The following MAGI2 variants were observed in gnomAD, a reference collection of about 807,000 sequenced individuals.
The protein encoded by MAGI2 is membrane-associated guanylate kinase, WW and PDZ domain-containing protein 2.
Under a neutral mutation model 133.3 loss-of-function variants are expected in MAGI2, and 35 were observed. The ratio of observed to expected loss-of-function variants is 0.26; its 90% confidence interval spans 0.20 to 0.35. MAGI2 has a LOEUF of 0.35. Among genes scored for constraint, MAGI2 ranks in the 10% least tolerant of loss-of-function variants. The pLI is 1.00. For missense variants in MAGI2, 1,636 were observed against 1,863.4 expected (o/e 0.88, Z 2.25); for synonymous variants, 729 against 710.6 (o/e 1.03, Z -0.41).
At chr7:79,257,052 A>C (rs190158038) in intron 1 of MAGI2, among the ~76,000 whole-genome samples, 264 of 152,200 alleles carry the variant, frequency 1.7e-3, no homozygotes, top group African/African-American at 6.0e-3. Flanking sequence ...TCACCACAAA[A>C]ACCATACTTT....
Position 78,580,944 on chromosome 7 carries a change from A to G in MAGI2, c.538+46176T>C, listed in dbSNP as rs145868747. ...TGACATCACAAATGCAGATGACGACAGATCTAATTTCAATAGAATTTTGAA... is the reference window on the plus strand; with the variant it reads ...TGACATCACAAATGCAGATGACGACGGATCTAATTTCAATAGAATTTTGAA... On this transcript the variant is annotated intron_variant, in intron 3 of 21. Transcript: ENST00000354212. Among the ~76,000 whole-genome samples the G allele has an allele frequency of 3.3e-3, 506 of 152,352 alleles. 4 individuals are homozygous for G. Among genetic ancestry groups the G allele is most frequent in the African/African-American group, 0.011 (466 of 41,590 alleles).
At chr7:79,379,719 T>C (rs1843648948) in intron 1 of MAGI2, among the ~76,000 whole-genome samples, 2 of 152,024 alleles carry the variant, frequency 1.3e-5, no homozygotes, top group Non-Finnish European at 2.9e-5. Flanking sequence ...CCAGTGATGA[T>C]GAGCATTTTT....
chr7:79,227,932 T>C (rs1193026597), intron 1 of MAGI2, among the ~76,000 whole-genome samples: 1 of 152,184 alleles, frequency 6.6e-6, no homozygotes, highest in Non-Finnish European at 1.5e-5. Context: ...TATGAAATGA[T>C]ATCATATTTA....
intron 18 of MAGI2, among the ~76,000 whole-genome samples, chr7:78,129,090 T>C (rs951475484): frequency 2.0e-5 from 3 of 152,358 alleles, no homozygotes; most frequent in Middle Eastern, 3.4e-3. Context: ...TGTATGGTAT[T>C]GATATGCAAT....
intron 21 of MAGI2, among the ~76,000 whole-genome samples, chr7:78,020,343 CG>C (rs1157512202): frequency 1.3e-5 from 2 of 152,138 alleles, no homozygotes; most frequent in African/African-American, 4.8e-5. Context: ...GTCTCCAACT[CG>C]AGTAGACCTT....
chr7:78,373,757 A>G (rs779124867), intron 6 of MAGI2, among the ~76,000 whole-genome samples: 2 of 151,666 alleles, frequency 1.3e-5, no homozygotes, highest in Non-Finnish European at 2.9e-5. Context: ...CCTTCCCTTC[A>G]CCTTCTAGTA....
chr7:78,422,362 G>C, intron 6 of MAGI2, among the ~76,000 whole-genome samples: 1 of 152,164 alleles, frequency 6.6e-6, no homozygotes, highest in South Asian at 2.1e-4. Flanking sequence ...ATAGATCTCA[G>C]GTGAACTGAT....
At chr7:79,326,687 T>C (rs1839721921) in intron 1 of MAGI2, among the ~76,000 whole-genome samples, 1 of 151,370 alleles carries the variant, frequency 6.6e-6, no homozygotes, top group Non-Finnish European at 1.5e-5. Context: ...ATACTATGTA[T>C]CCTGTTTTCC....
At chr7:78,854,947 C>T (rs564633936) in intron 2 of MAGI2, among the ~76,000 whole-genome samples, 3 of 152,174 alleles carry the variant, frequency 2.0e-5, no homozygotes, top group Admixed American at 2.0e-4. Flanking sequence ...AACTCTGCCT[C>T]CCAATTCAAG....
chr7:79,140,294 A>G (rs954721069), intron 1 of MAGI2, among the ~76,000 whole-genome samples: 1 of 152,122 alleles, frequency 6.6e-6, no homozygotes, highest in African/African-American at 2.4e-5. Flanking sequence ...GATTCACTAT[A>G]TTTTTGCAAG....
intron 2 of MAGI2, among the ~76,000 whole-genome samples, chr7:78,954,990 A>T (rs1414819512): frequency 6.6e-6 from 1 of 152,138 alleles, no homozygotes; most frequent in Non-Finnish European, 1.5e-5. Flanking sequence ...TTCACTTAAT[A>T]ACAAAAATAA....
intron 2 of MAGI2, among the ~76,000 whole-genome samples, chr7:78,723,449 A>G (rs934285816): frequency 6.6e-6 from 1 of 152,230 alleles, no homozygotes. Context: ...CTTCTGACCA[A>G]ATATTGCAAA....
intron 1 of MAGI2, among the ~76,000 whole-genome samples, chr7:79,013,673 T>C (rs900151975): frequency 6.6e-6 from 1 of 152,136 alleles, no homozygotes; most frequent in Admixed American, 6.6e-5. Context: ...CCATTCCCTT[T>C]TTAGGTAGAA....
intron 3 of MAGI2, among the ~76,000 whole-genome samples, chr7:78,577,488 C>A (rs1043498568): frequency 6.6e-6 from 1 of 152,104 alleles, no homozygotes; most frequent in African/African-American, 2.4e-5. Flanking sequence ...TCATGCACGT[C>A]CGTGTGAAGA....
chr7:79,159,139 T>C (rs1265736333), intron 1 of MAGI2, among the ~76,000 whole-genome samples: 1 of 152,040 alleles, frequency 6.6e-6, no homozygotes, highest in Non-Finnish European at 1.5e-5. Context: ...TCTCATGCGG[T>C]AAATTTCTGT....
chr7:78,721,748 T>C (rs533587890), intron 2 of MAGI2, among the ~76,000 whole-genome samples: 1 of 152,076 alleles, frequency 6.6e-6, no homozygotes, highest in Admixed American at 6.5e-5. Context: ...CAGACAAGCT[T>C]TCCTAGCTAG....
At chr7:78,774,246 A>C (rs190703992) in intron 2 of MAGI2, among the ~76,000 whole-genome samples, 2 of 152,310 alleles carry the variant, frequency 1.3e-5, no homozygotes, top group Admixed American at 6.5e-5. Flanking sequence ...GTTGGTAATC[A>C]TTGGTTTGGA....
intron 3 of MAGI2, among the ~76,000 whole-genome samples, chr7:78,535,872 A>ACCCCCCC (rs148139487): frequency 1.2e-4 from 14 of 117,982 alleles, no homozygotes; most frequent in African/African-American, 3.6e-4. Context: ...TCTTGTGTAC[A>ACCCCCCC]CCCCCCCCGC....
chr7:79,391,530 TATATATAG>T (rs1844636935), intron 1 of MAGI2, among the ~76,000 whole-genome samples: 1 of 91,724 alleles, frequency 1.1e-5, no homozygotes, highest in African/African-American at 6.5e-5. Flanking sequence ...TATATATATA[TATATATAG>T]ACATATATAT....
Sources: gnomAD v4.1 joint callset for allele counts (sites outside exome capture counted in the v4.1 genomes callset) on GRCh38, gnomAD v4.1.1 for gene constraint, MANE v1.5 for transcripts, NCBI Gene and HGNC (gene_info 2026-07-23, HGNC 2026-07-21) for gene names.